Variants in CCDC171 observed in about 807,000 individuals in gnomAD.
CCDC171 encodes the protein coiled-coil domain containing 171.
A neutral mutation model predicts 168.2 loss-of-function variants in CCDC171; 177 were observed. The observed-to-expected ratio is 1.05, with a 90% CI of 0.93 to 1.19. The LOEUF is 1.19. Ranked by LOEUF, CCDC171 falls within the 50% of genes most tolerant of loss-of-function variation. The pLI is 0.00. For missense variants in CCDC171, 1,991 were observed against 1,539.0 expected (o/e 1.29, Z -4.91); for synonymous variants, 687 against 540.8 (o/e 1.27, Z -3.75).
the CCDC171 span, among the ~76,000 whole-genome samples, chr9:16,073,657 G>A: frequency 6.6e-6 from 1 of 152,178 alleles, no homozygotes; most frequent in African/African-American, 2.4e-5. Context: ...AAACCCATGT[G>A]CCTAGTGGCA....
chr9:15,689,827 G>A (rs2050663861), intron 10 of CCDC171, among the ~76,000 whole-genome samples: 1 of 152,170 alleles, frequency 6.6e-6, no homozygotes, highest in Non-Finnish European at 1.5e-5. Flanking sequence ...AGTCAAGATA[G>A]TATGGTACTA....
intron 7 of CCDC171, among the ~76,000 whole-genome samples, chr9:15,648,572 G>A (rs946040366): frequency 9.2e-5 from 14 of 152,102 alleles, no homozygotes; most frequent in Non-Finnish European, 1.5e-4. Flanking sequence ...AAATCAATGT[G>A]CAAAAATCAC....
intron 25 of CCDC171, among the ~76,000 whole-genome samples, chr9:15,950,663 A>G (rs934384713): frequency 1.3e-5 from 2 of 152,174 alleles, no homozygotes; most frequent in African/African-American, 4.8e-5. Context: ...CAGCCGCTGC[A>G]AAATCATGCC....
In CCDC171 at chr9:15,779,148, T is replaced by G; in HGVS notation, c.3079T>G (p.Ser1027Ala). ...LQMQLNEFKQ[S>A]KLITHEKFES... is the part of the protein sequence containing the mutation. ...AATGCAATTAAATGAATTTAAGCAG[T>G]CTGTAAGTATATATCATTTAGGAAA... The change falls in exon 20 of 26, where the codon TCT (serine) becomes GCT (alanine). Residue 1027 changes from serine to alanine, a missense_variant and splice_region_variant. Transcript: ENST00000380701. The G allele has an allele frequency of 6.5e-7, 1 of 1,537,918 alleles. No individual in the cohort carries two copies. Among genetic ancestry groups the G allele is most frequent in the Non-Finnish European group, 8.8e-7 (1 of 1,142,542 alleles).
chr9:15,972,007 A>T lies in CCDC171; in HGVS notation c.*171A>T, dbSNP rs557042828. On this transcript the variant is annotated 3_prime_UTR_variant, in exon 26 of 26. Transcript: ENST00000380701. The stretch of plus-strand genomic sequence containing the variant: ...GCTCTGTCTCCTTGAATAAGGAAAT[A>T]GCCAACTTTTTTCTCTCCAAGTTTT... 34 of 537,324 alleles carry T rather than the reference A, an allele frequency of 6.3e-5. No homozygotes were observed. Among genetic ancestry groups the T allele is most frequent in the Non-Finnish European group, 1.0e-4 (32 of 308,476 alleles). 33.3% of individuals were successfully genotyped at this position (537,324 alleles called of 1,614,324 possible).
At chr9:15,558,179 G>A (rs1159049962) in intron 1 of CCDC171, among the ~76,000 whole-genome samples, 2 of 151,196 alleles carry the variant, frequency 1.3e-5, no homozygotes, top group African/African-American at 4.9e-5. Context: ...TGTTCATCAG[G>A]GATATTGGCT....
chr9:15,751,268 C>T lies in CCDC171; in HGVS notation c.2671+5637C>T, dbSNP rs374669044. On this transcript the variant is annotated intron_variant, in intron 18 of 25. Coordinates refer to ENST00000380701, the MANE Select transcript of CCDC171 (RefSeq NM_173550.4). ...AGGAGAACTACAAACCACTGCTCAACGAAATAAAAGAGGTCACAAATGGCA... is the reference window on the plus strand; with the variant it reads ...AGGAGAACTACAAACCACTGCTCAATGAAATAAAAGAGGTCACAAATGGCA... Among the ~76,000 whole-genome samples, 28 of 152,078 alleles carry T rather than the reference C, an allele frequency of 1.8e-4. 1 individual carries two copies. In the East Asian group the frequency reaches 2.1e-3, roughly 12 times the overall value.
chr9:15,919,283 A>C (rs922241778), intron 24 of CCDC171, among the ~76,000 whole-genome samples: 3 of 151,614 alleles, frequency 2.0e-5, no homozygotes, highest in Middle Eastern at 3.2e-3. Context: ...TACATTTACT[A>C]TATTGTTTCT....
At chr9:15,872,547 C>A (rs1299393570) in intron 23 of CCDC171, among the ~76,000 whole-genome samples, 1 of 151,900 alleles carries the variant, frequency 6.6e-6, no homozygotes, top group Admixed American at 6.6e-5. Context: ...ACTTTGACAT[C>A]CAGGATTTCC....
chr9:15,698,770 C>T lies in CCDC171; in HGVS notation c.1318+3433C>T, dbSNP rs534064282. ...GTGTTGCTGTGTTGCTCAGGATAGC[C>T]TAGAATTCCTGGGCTCAAACAATCC... is the stretch of plus-strand genomic sequence containing the variant. On this transcript the variant is annotated intron_variant, in intron 11 of 25. Coordinates refer to ENST00000380701, the MANE Select transcript of CCDC171 (RefSeq NM_173550.4). Among the ~76,000 whole-genome samples, 4 of 152,128 alleles carry T rather than the reference C, an allele frequency of 2.6e-5. No individual in the cohort carries two copies. The South Asian group carries it at 8.3e-4, about 32-fold the overall frequency.
At chr9:15,756,591 A>G (rs1026820877) in intron 18 of CCDC171, among the ~76,000 whole-genome samples, 5 of 152,168 alleles carry the variant, frequency 3.3e-5, no homozygotes, top group African/African-American at 9.7e-5. Context: ...TTGTCCATGT[A>G]TACCCAATGC....
intron 21 of CCDC171, among the ~76,000 whole-genome samples, chr9:15,791,627 A>G (rs1033624552): frequency 2.8e-4 from 42 of 152,128 alleles, no homozygotes; most frequent in Non-Finnish European, 5.3e-4. Context: ...AACTTCCAAC[A>G]CTATGTTGAA....
In CCDC171 at chr9:15,825,964, TTTTTCTC is replaced by T. The variant is rs201752970; in HGVS notation, c.3268-20727_3268-20721del. ...ATTAAATTTCATTTTCTTGTTTTTG[TTTTTCTC>T]TTTTCTCTTTCTGGAACATCTGTTA... On this transcript the variant is annotated intron_variant, in intron 21 of 25. Transcript: ENST00000380701. 9.6e-3 allele frequency among the ~76,000 whole-genome samples: 1,463 copies of T among 152,216 alleles called. 27 individuals carry two copies. Among genetic ancestry groups the T allele is most frequent in the African/African-American group, 0.034 (1,398 of 41,558 alleles).
At chr9:15,593,213 C>A (rs1013397756) in intron 5 of CCDC171, among the ~76,000 whole-genome samples, 9 of 152,218 alleles carry the variant, frequency 5.9e-5, no homozygotes, top group Admixed American at 5.2e-4. Context: ...CAGATCCATG[C>A]TACCATTGTG....
At chr9:15,639,638 A>G (rs1430749966) in intron 7 of CCDC171, among the ~76,000 whole-genome samples, 2 of 152,146 alleles carry the variant, frequency 1.3e-5, no homozygotes, top group Non-Finnish European at 2.9e-5. Context: ...TTGTCCTCAT[A>G]TATCCCTTCT....
At chr9:15,891,053 A>G (rs1326905704) in intron 24 of CCDC171, among the ~76,000 whole-genome samples, 1 of 152,182 alleles carries the variant, frequency 6.6e-6, no homozygotes, top group Non-Finnish European at 1.5e-5. Flanking sequence ...ATTTAAGTAA[A>G]CCACAAACAA....
chr9:15,642,770 C>A (rs1225671678), intron 7 of CCDC171, among the ~76,000 whole-genome samples: 3 of 152,036 alleles, frequency 2.0e-5, no homozygotes, highest in Admixed American at 2.0e-4. Context: ...AAAATAAAGA[C>A]ATGATCTCCA....
chr9:15,739,716 G>C (rs2054725236), intron 16 of CCDC171, among the ~76,000 whole-genome samples: 1 of 151,038 alleles, frequency 6.6e-6, no homozygotes, highest in Non-Finnish European at 1.5e-5. Flanking sequence ...GAAACTTTGA[G>C]ACAAAATTAT....
In CCDC171 at chr9:16,018,621, G is replaced by A. The variant is rs112596818; in HGVS notation, n.369-1968G>A. 2.4e-4 allele frequency among the ~76,000 whole-genome samples: 36 copies of A among 152,288 alleles called. No homozygotes were observed. The South Asian group carries it at 4.8e-3, about 20-fold the overall frequency. On this transcript the variant is annotated intron_variant and non_coding_transcript_variant, in intron 3 of 9. Transcript: ENST00000486641. ...TACCCCTCACTCACCTACTAGGGCC[G>A]CTGTGTTGTATAATTCCAGGGTTCA... is the stretch of plus-strand genomic sequence containing the variant.
Sources: gnomAD v4.1 joint callset for allele counts (sites outside exome capture counted in the v4.1 genomes callset) on GRCh38, gnomAD v4.1.1 for gene constraint, MANE v1.5 for transcripts, NCBI Gene and HGNC (gene_info 2026-07-23, HGNC 2026-07-21) for gene names.